Variants in PTPN3 observed in about 807,000 individuals in gnomAD.
PTPN3 encodes the protein tyrosine-protein phosphatase non-receptor type 3.
In PTPN3, 96 loss-of-function variants were observed where a neutral mutation model predicts 132.7. That is an observed-to-expected ratio of 0.72 (90% CI 0.61 to 0.86). The LOEUF (loss-of-function observed/expected upper bound fraction) is 0.86, where lower values mean the gene tolerates loss of function less well. Among genes scored for constraint, PTPN3 ranks in the 40% least tolerant of loss-of-function variants. The pLI is 0.00. For synonymous variants in PTPN3, 398 were observed against 429.0 expected (o/e 0.93, Z 0.89); for missense variants, 1,125 against 1,159.6 (o/e 0.97, Z 0.43).
chr9:109,531,540 T>G, the PTPN3 span, among the ~76,000 whole-genome samples: 1 of 152,274 alleles, frequency 6.6e-6, no homozygotes, highest in South Asian at 2.1e-4. Context: ...GGGCAAGTTC[T>G]GTAACCTCTT....
At chr9:109,398,336 C>T (rs527894211) in intron 19 of PTPN3, among the ~76,000 whole-genome samples, 1 of 152,314 alleles carries the variant, frequency 6.6e-6, no homozygotes, top group South Asian at 2.1e-4. Context: ...CTACAGGTGT[C>T]AATTTAAACC....
intron 8 of PTPN3, 60 bp from the exon 9 acceptor site, chr9:109,437,030 T>C (rs1442190654): frequency 4.4e-6 from 7 of 1,603,928 alleles, no homozygotes; most frequent in Non-Finnish European, 6.0e-6. Flanking sequence ...TTAACTCCAA[T>C]TTTAAAAAAT....
Position 109,420,439 on chromosome 9 carries a change from C to T in PTPN3, c.1298G>A (p.Arg433Gln), listed in dbSNP as rs370298571. ...QDSDSEVSQN[R>Q]SPHQESLSEN... ...AGTTTCTTACTCTTGGTGCGGGCTT[C>T]GGTTCTGAGAAACTTCAGAATCGCT... The change falls in exon 14 of 26, where the codon CGA becomes CAA. Residue 433 changes from arginine (R) to glutamine (Q), a missense_variant. Physicochemically the swap from Arg to Gln is conservative, Grantham distance 43. Coordinates refer to ENST00000374541, the MANE Select transcript of PTPN3 (RefSeq NM_002829.4). 105 of 1,599,294 alleles carry T rather than the reference C, an allele frequency of 6.6e-5. No homozygotes were observed. Among genetic ancestry groups the T allele is most frequent in the Middle Eastern group, 1.8e-4 (1 of 5,670 alleles).
the PTPN3 span, among the ~76,000 whole-genome samples, chr9:109,512,576 T>G: frequency 6.6e-6 from 1 of 152,240 alleles, no homozygotes; most frequent in Non-Finnish European, 1.5e-5. Context: ...CTGAATGCCA[T>G]GAAGACTACA....
the PTPN3 span, among the ~76,000 whole-genome samples, chr9:109,537,993 CT>C: frequency 6.6e-6 from 1 of 152,244 alleles, no homozygotes; most frequent in Non-Finnish European, 1.5e-5. Context: ...CATTAGCCCT[CT>C]CATTCACTTT....
the PTPN3 span, chr9:109,533,748 G>C: frequency 7.0e-7 from 1 of 1,434,144 alleles, no homozygotes; most frequent in Non-Finnish European, 9.5e-7. Flanking sequence ...ATGTAGGAAG[G>C]TGGGAACCTT....
In PTPN3 at chr9:109,470,420, T is replaced by G. The variant is rs1010784515; in HGVS notation, c.-17-6969A>C. 3.9e-5 allele frequency among the ~76,000 whole-genome samples: 6 copies of G among 152,250 alleles called. No homozygotes were observed. The South Asian group carries it at 1.2e-3, about 32-fold the overall frequency. Reference sequence around the variant, plus strand: ...TGTTGGTACCTCAAAGAGGACAGCTTCTCATTCCAGTCTGTTTTAAAGCCA... The same window carrying G: ...TGTTGGTACCTCAAAGAGGACAGCTGCTCATTCCAGTCTGTTTTAAAGCCA... On this transcript the variant is annotated intron_variant, in intron 1 of 25. Transcript: ENST00000374541.
At chr9:109,435,649 A>G (rs892898866) in intron 9 of PTPN3, among the ~76,000 whole-genome samples, 3 of 152,230 alleles carry the variant, frequency 2.0e-5, no homozygotes, top group Non-Finnish European at 4.4e-5. Context: ...TTTGCCACGC[A>G]GATATCATCT....
chr9:109,398,974 G>A (rs1840829877), intron 19 of PTPN3, among the ~76,000 whole-genome samples: 1 of 152,152 alleles, frequency 6.6e-6, no homozygotes, highest in African/African-American at 2.4e-5. Context: ...ATAAGAGAAA[G>A]AGGAACACCC....
At chr9:109,426,621 G>A (rs1392052160) in intron 12 of PTPN3, among the ~76,000 whole-genome samples, 1 of 152,162 alleles carries the variant, frequency 6.6e-6, no homozygotes, top group Non-Finnish European at 1.5e-5. Flanking sequence ...GCATCAGACT[G>A]GGATAGCCCA....
intron 9 of PTPN3, among the ~76,000 whole-genome samples, chr9:109,434,796 A>G (rs1415861886): frequency 6.6e-6 from 1 of 152,228 alleles, no homozygotes; most frequent in Non-Finnish European, 1.5e-5. Context: ...ATGAAAACCT[A>G]GAAGGGGGCT....
chr9:109,427,164 G>A lies in PTPN3; in HGVS notation c.829-42C>T, dbSNP rs189974366. ...TCAAGATTTCACCCACACAGACATAGGAGCAGGGACTTGTAAGCATTTAAC... is the reference window on the plus strand; with the variant it reads ...TCAAGATTTCACCCACACAGACATAAGAGCAGGGACTTGTAAGCATTTAAC... On this transcript the variant is annotated intron_variant, in intron 11 of 25. Coordinates refer to ENST00000374541, the MANE Select transcript of PTPN3 (RefSeq NM_002829.4). The A allele has an allele frequency of 9.8e-5, 156 of 1,597,800 alleles. 1 individual carries two copies. The East Asian group carries it at 2.8e-3, about 29-fold the overall frequency.
At chr9:109,503,429 G>A in the PTPN3 span, among the ~76,000 whole-genome samples, 1 of 152,282 alleles carries the variant, frequency 6.6e-6, no homozygotes, top group African/African-American at 2.4e-5. Context: ...TCTCGGCTGG[G>A]CAAGGTGGCT....
chr9:109,422,994 G>A, intron 12 of PTPN3, 142 bp from the exon 13 acceptor site: 1 of 1,009,152 alleles, frequency 9.9e-7, no homozygotes, highest in Non-Finnish European at 1.4e-6. Context: ...GAGGGAGACA[G>A]CTCAAAAGCG....
chr9:109,450,593 C>T (rs1005765600), intron 5 of PTPN3: 13 of 984,616 alleles, frequency 1.3e-5, no homozygotes, highest in Non-Finnish European at 1.3e-5. Context: ...GAACCCAACC[C>T]GAGCTTGGGA....
At chr9:109,474,014 C>T (rs1225633975) in intron 1 of PTPN3, among the ~76,000 whole-genome samples, 2 of 151,874 alleles carry the variant, frequency 1.3e-5, no homozygotes, top group African/African-American at 2.4e-5. Context: ...GGTTGCTTCT[C>T]GGTACCCATG....
chr9:109,508,861 C>A, the PTPN3 span, among the ~76,000 whole-genome samples: 1 of 152,146 alleles, frequency 6.6e-6, no homozygotes, highest in South Asian at 2.1e-4. Context: ...TGTCCCCCCC[C>A]CACCCACCAA....
At chr9:109,435,719 C>T (rs1002700230) in intron 9 of PTPN3, among the ~76,000 whole-genome samples, 2 of 152,098 alleles carry the variant, frequency 1.3e-5, no homozygotes, top group African/African-American at 4.8e-5. Flanking sequence ...CAGCACAGCT[C>T]AACTCAGGCA....
Position 109,382,320 on chromosome 9 carries a change from G to C in PTPN3, c.2510C>G (p.Pro837Arg). The C allele has an allele frequency of 6.2e-7, 1 of 1,613,932 alleles. No homozygotes were observed. The highest frequency in any genetic ancestry group is 8.5e-7 in the Non-Finnish European group (1 of 1,179,900). ...YVRSLRVDSE[P>R]VLVHCSAGIG... is the part of the protein sequence containing the mutation. Reference sequence around the variant, plus strand: ...GCCATACCTGCAGTGAACTAGGACGGGCTCGCTGTCCACTCTCAGAGACCT... The same window carrying C: ...GCCATACCTGCAGTGAACTAGGACGCGCTCGCTGTCCACTCTCAGAGACCT... The change falls in exon 24 of 26, where the codon CCC (proline) becomes CGC (arginine). Residue 837 changes from proline to arginine, a missense_variant. Coordinates refer to ENST00000374541, the MANE Select transcript of PTPN3 (RefSeq NM_002829.4).
Sources: gnomAD v4.1 joint callset for allele counts (sites outside exome capture counted in the v4.1 genomes callset) on GRCh38, gnomAD v4.1.1 for gene constraint, MANE v1.5 for transcripts, NCBI Gene and HGNC (gene_info 2026-07-23, HGNC 2026-07-21) for gene names.